FBLN2: variants seen among roughly 807,000 people sequenced by gnomAD.
The protein encoded by FBLN2 is fibulin 2.
Under a neutral mutation model 123.7 loss-of-function variants are expected in FBLN2, and 81 were observed. The observed-to-expected ratio is 0.65, with a 90% CI of 0.55 to 0.79. FBLN2 has a LOEUF of 0.79. Among genes scored for constraint, FBLN2 ranks in the 30% least tolerant of loss-of-function variants. The pLI, the probability that FBLN2 is intolerant of heterozygous loss-of-function variation, is 0.00. For missense variants in FBLN2, 1,603 were observed against 1,681.3 expected (o/e 0.95, Z 0.81); for synonymous variants, 699 against 701.4 (o/e 1.00, Z 0.05).
At chr3:13,578,985 G>A (rs1258848940) in intron 2 of FBLN2, among the ~76,000 whole-genome samples, 3 of 152,238 alleles carry the variant, frequency 2.0e-5, no homozygotes, top group Non-Finnish European at 4.4e-5. Context: ...AACCTAGGAG[G>A]CGGAGGTTGT....
In FBLN2 at chr3:13,628,990, G is replaced by A. The variant is rs1559426776; in HGVS notation, c.2655G>A (p.Arg885=). ...INTVGSYTCQ[R]NPLICARGYH... is the part of the protein sequence containing the mutation. Reference sequence around the variant, plus strand: ...CGGTGGGCTCCTACACATGCCAGAGGAACCCGCTGATCTGCGCGCGCGGCT... The same window carrying A: ...CGGTGGGCTCCTACACATGCCAGAGAAACCCGCTGATCTGCGCGCGCGGCT... The change falls in exon 12 of 18, where the codon AGG becomes AGA. Residue 885 remains arginine, a synonymous_variant. Coordinates refer to ENST00000404922, the MANE Select transcript of FBLN2 (RefSeq NM_001004019.2). The A allele has an allele frequency of 3.1e-6, 5 of 1,613,526 alleles. No homozygotes were observed. The highest frequency in any genetic ancestry group is 4.2e-6 in the Non-Finnish European group (5 of 1,179,780).
At chr3:13,579,575 T>C (rs1704256688) in intron 2 of FBLN2, among the ~76,000 whole-genome samples, 1 of 152,256 alleles carries the variant, frequency 6.6e-6, no homozygotes, top group African/African-American at 2.4e-5. Flanking sequence ...TATGCCTTTT[T>C]CAAATAACAA....
intron 1 of FBLN2, among the ~76,000 whole-genome samples, chr3:13,569,670 G>C (rs1404033585): frequency 6.6e-6 from 1 of 152,050 alleles, no homozygotes; most frequent in Non-Finnish European, 1.5e-5. Flanking sequence ...GGTCTCAGAG[G>C]TGTGTTCCTG....
chr3:13,587,211 A>G (rs1704539235), intron 2 of FBLN2, among the ~76,000 whole-genome samples: 1 of 151,828 alleles, frequency 6.6e-6, no homozygotes, highest in African/African-American at 2.4e-5. Flanking sequence ...GTAAGGATAT[A>G]AAGAAATATT....
intron 14 of FBLN2, 105 bp downstream of exon 14, chr3:13,630,050 C>T (rs1020371293): frequency 6.8e-7 from 1 of 1,467,160 alleles, no homozygotes; most frequent in Non-Finnish European, 9.2e-7. Context: ...CTTACACCTT[C>T]ACCCTCACAC....
At chr3:13,636,107 G>A (rs1706455346) in intron 16 of FBLN2, among the ~76,000 whole-genome samples, 1 of 152,244 alleles carries the variant, frequency 6.6e-6, no homozygotes, top group Non-Finnish European at 1.5e-5. Context: ...GCCCAAGGAT[G>A]TCCAGCAGGA....
In FBLN2 at chr3:13,631,334, G is replaced by A. The variant is rs765796758; in HGVS notation, c.3091G>A (p.Asp1031Asn). 65 of 1,602,318 alleles carry A rather than the reference G, an allele frequency of 4.1e-5. No individual in the cohort carries two copies. Among genetic ancestry groups the A allele is most frequent in the Admixed American group, 1.2e-4 (7 of 58,548 alleles). Residue 1031 changes from aspartate (D) to asparagine (N), a missense_variant, in exon 16 of 18, where the codon GAC becomes AAC. By Grantham distance (23) the Asp-to-Asn change is conservative. Transcript: ENST00000404922. ...AEDGHTCTDIDECAQGAGILC... is the reference protein window; with the variant it reads ...AEDGHTCTDINECAQGAGILC... ...GCTGAACCTCTCTCTGACAGACATC[G>A]ACGAGTGTGCTCAAGGCGCCGGCAT...
rs1304942111 is a variant in FBLN2 at position 13,637,774 on chromosome 3, C to A, written c.3551C>A (p.Ala1184Asp). The A allele has an allele frequency of 1.9e-6, 3 of 1,613,802 alleles. No homozygotes were observed. The highest frequency in any genetic ancestry group is 2.5e-6 in the Non-Finnish European group (3 of 1,179,822). The change falls in exon 18 of 18, where the codon GCC becomes GAC. Residue 1184 changes from alanine to aspartate, a missense_variant. Physicochemically the swap from Ala to Asp is moderately radical, Grantham distance 126 (BLOSUM62 -2). Transcript: ENST00000404922. The stretch of plus-strand genomic sequence containing the variant: ...TACTTTGGCACGCGCAGGCTCAATG[C>A]CTACACGGGTGTGGTCTACCTGCAG... Reference protein sequence around the residue: ...EGYFGTRRLNAYTGVVYLQRA... With the variant: ...EGYFGTRRLNDYTGVVYLQRA...
chr3:13,620,830 C>T (rs966542531), intron 8 of FBLN2, among the ~76,000 whole-genome samples: 7 of 152,178 alleles, frequency 4.6e-5, no homozygotes, highest in Non-Finnish European at 8.8e-5. Context: ...CATCCCCAGC[C>T]GAGACTGTTC....
chr3:13,570,523 C>T lies in FBLN2; in HGVS notation c.168C>T (p.Ala56=), dbSNP rs1407023288. Residue 56 remains alanine (A), a synonymous_variant, in exon 2 of 18, where the codon GCC becomes GCT. Coordinates refer to ENST00000404922, the MANE Select transcript of FBLN2 (RefSeq NM_001004019.2). The part of the protein sequence containing the change: ...EEALEPGACC[A]TCVQQGCACE... ...CGCTGGAGCCGGGTGCCTGCTGTGC[C>T]ACGTGTGTGCAGCAGGGCTGCGCCT... The T allele has an allele frequency of 1.3e-6, 2 of 1,590,556 alleles. No individual in the cohort carries two copies.
At chr3:13,600,150 G>C (rs1704982238) in intron 2 of FBLN2, among the ~76,000 whole-genome samples, 1 of 151,650 alleles carries the variant, frequency 6.6e-6, no homozygotes, top group South Asian at 2.1e-4. Flanking sequence ...GGAGGTGACT[G>C]CTGGGCGGAG....
intron 1 of FBLN2, among the ~76,000 whole-genome samples, chr3:13,561,644 C>T (rs9822704): frequency 0.77 from 116,667 of 152,178 alleles, 45,841 homozygotes; most frequent in East Asian, 1. Context: ...TAGGCCTCCT[C>T]GTCTGACCAT....
rs1386965183 is a variant in FBLN2, at chr3:13,637,612, C to T, written c.3389C>T (p.Pro1130Leu). Residue 1130 changes from proline to leucine, a missense_variant, in exon 18 of 18, where the codon CCA (proline) becomes CTA (leucine). Physicochemically the swap from Pro to Leu is moderately conservative, Grantham distance 98. Coordinates refer to ENST00000404922, the MANE Select transcript of FBLN2 (RefSeq NM_001004019.2). ...CHDFLECQNS[P>L]ARITHYQLNF... ...GACTTCCTGGAGTGCCAGAACTCGC[C>T]AGCGCGCATCACGCACTACCAGCTC... 6.2e-7 allele frequency: 1 copy of T among 1,613,636 alleles called. No homozygotes were observed. Among genetic ancestry groups the T allele is most frequent in the Non-Finnish European group, 8.5e-7 (1 of 1,179,756 alleles).
intron 9 of FBLN2, among the ~76,000 whole-genome samples, chr3:13,625,254 T>C (rs1705996881): frequency 6.6e-6 from 1 of 152,154 alleles, no homozygotes; most frequent in South Asian, 2.1e-4. Context: ...TCTGAGTTGG[T>C]GGCCTCTGTG....
intron 16 of FBLN2, among the ~76,000 whole-genome samples, chr3:13,635,870 G>A (rs73042965): frequency 0.035 from 5,305 of 152,270 alleles, 118 homozygotes; most frequent in Middle Eastern, 0.099. Flanking sequence ...AAACAGCCTC[G>A]GTGTGTTGCA....
Position 13,638,143 on chromosome 3 carries a change from C to T in FBLN2, c.*224C>T. 1 of 650,356 alleles carries T rather than the reference C, an allele frequency of 1.5e-6. No homozygotes were observed. Among genetic ancestry groups the T allele is most frequent in the South Asian group, 1.7e-5 (1 of 60,230 alleles). The allele number at this position is 650,356 out of a possible 1,614,324, so 40.3% of individuals were successfully genotyped here. On this transcript the variant is annotated 3_prime_UTR_variant, in exon 18 of 18. Coordinates refer to ENST00000404922, the MANE Select transcript of FBLN2 (RefSeq NM_001004019.2). Reference sequence around the variant, plus strand: ...ACCAAGTGGAAGCTTGCACGGTGGGCCACGGCCGTGGCGGGTGCCCTGTGG... The same window carrying T: ...ACCAAGTGGAAGCTTGCACGGTGGGTCACGGCCGTGGCGGGTGCCCTGTGG...
rs1442156211 is a variant in FBLN2, at chr3:13,621,801, C to A, written c.2182C>A (p.His728Asn). The change falls in exon 9 of 18, where the codon CAC becomes AAC. Residue 728 changes from histidine (H) to asparagine (N), a missense_variant. Physicochemically the swap from His to Asn is moderately conservative, Grantham distance 68. Coordinates refer to ENST00000404922, the MANE Select transcript of FBLN2 (RefSeq NM_001004019.2). ...CCAAGACGAGTGCCTGATGGGTGCT[C>A]ACGATTGTAGCCGGCGACAGTTCTG... ...EDQDECLMGA[H>N]DCSRRQFCVN... 2 of 1,613,912 alleles carry A rather than the reference C, an allele frequency of 1.2e-6. No individual in the cohort carries two copies. The highest frequency in any genetic ancestry group is 1.7e-5 in the Admixed American group (1 of 60,010).
At position 13,636,506 on chromosome 3, in the gene FBLN2, C is replaced by T. The variant is rs1198122616; in HGVS notation, c.3276C>T (p.Ile1092=). 6.2e-7 allele frequency: 1 copy of T among 1,613,890 alleles called. No homozygotes were observed. Among genetic ancestry groups the T allele is most frequent in the South Asian group, 1.1e-5 (1 of 91,052 alleles). Residue 1092 remains isoleucine (I), a synonymous_variant, in exon 17 of 18, where the codon ATC becomes ATT. Transcript: ENST00000404922. ...NCSEAETCHN[I]QGSFRCLRFE... is the part of the protein sequence containing the mutation. ...CCGAGGCTGAGACCTGCCACAACAT[C>T]CAGGGTAGCTTCCGCTGCCTGCGCT...
intron 1 of FBLN2, among the ~76,000 whole-genome samples, chr3:13,561,357 C>T (rs1174657187): frequency 2.0e-5 from 3 of 152,180 alleles, no homozygotes; most frequent in African/African-American, 4.8e-5. Flanking sequence ...GGTCCCTGGG[C>T]CCCGGATTCA....
Sources: allele counts gnomAD v4.1 joint callset (sites outside exome capture counted in the v4.1 genomes callset), GRCh38; gene constraint gnomAD v4.1.1; transcripts MANE v1.5; gene names NCBI Gene and HGNC (gene_info 2026-07-23, HGNC 2026-07-21).